Variants in GRID2 observed in about 807,000 individuals in gnomAD.
GRID2 encodes the protein glutamate ionotropic receptor delta type subunit 2, also known as glutamate receptor ionotropic, delta-2.
GRID2 carries 33 observed loss-of-function variants against 114.8 expected under a neutral mutation model. The observed-to-expected ratio is 0.29, with a 90% CI of 0.22 to 0.38. The LOEUF is 0.38. Among genes scored for constraint, GRID2 ranks in the 10% least tolerant of loss-of-function variants. GRID2 has a pLI of 1.00. For missense variants in GRID2, 1,184 were observed against 1,257.7 expected, an observed-to-expected ratio of 0.94 and a Z score of 0.89; for synonymous variants, 505 against 449.9, an observed-to-expected ratio of 1.12 and a Z score of -1.55.
intron 1 of GRID2, among the ~76,000 whole-genome samples, chr4:92,425,066 A>G (rs1418049676): frequency 6.6e-6 from 1 of 152,004 alleles, no homozygotes; most frequent in Non-Finnish European, 1.5e-5. Context: ...TTAGGTTATT[A>G]TAATAATTAT....
intron 14 of GRID2, among the ~76,000 whole-genome samples, chr4:93,747,252 A>G (rs953681074): frequency 7.2e-5 from 11 of 152,246 alleles, no homozygotes; most frequent in Admixed American, 3.9e-4. Flanking sequence ...CTGTGAAGGC[A>G]ATTAATTTTT....
At chr4:92,984,932 G>A (rs1332145255) in intron 2 of GRID2, among the ~76,000 whole-genome samples, 1 of 151,868 alleles carries the variant, frequency 6.6e-6, no homozygotes, top group Non-Finnish European at 1.5e-5. Context: ...CTTCTTGGTA[G>A]GACTACATAA....
chr4:93,806,021 C>T (rs190374479), intron 1 of GRID2, among the ~76,000 whole-genome samples: 1 of 152,008 alleles, frequency 6.6e-6, no homozygotes, highest in African/African-American at 2.4e-5. Context: ...TGCTTGAATC[C>T]CAGAGGTGGA....
chr4:92,424,042 T>C (rs1264274221), intron 1 of GRID2, among the ~76,000 whole-genome samples: 1 of 152,106 alleles, frequency 6.6e-6, no homozygotes, highest in Non-Finnish European at 1.5e-5. Flanking sequence ...TGATATTACA[T>C]AGTATGGCAA....
chr4:92,331,433 T>G (rs1411075434), intron 1 of GRID2, among the ~76,000 whole-genome samples: 3 of 152,154 alleles, frequency 2.0e-5, no homozygotes, highest in African/African-American at 4.8e-5. Context: ...GAAAAGAATT[T>G]GCCTTACATA....
rs562003721 is a variant in GRID2, at chr4:92,472,935, T to C, written c.89-117196T>C. Reference sequence around the variant, plus strand: ...TTTTGATGAAGTCCATTTCATTTTTTATGGGCTTTTATTTTAGCGTTGTGT... The same window carrying C: ...TTTTGATGAAGTCCATTTCATTTTTCATGGGCTTTTATTTTAGCGTTGTGT... On this transcript the variant is annotated intron_variant, in intron 1 of 15. Coordinates refer to ENST00000282020, the MANE Select transcript of GRID2 (RefSeq NM_001510.4). 2.6e-5 allele frequency among the ~76,000 whole-genome samples: 4 copies of C among 152,220 alleles called. No homozygotes were observed. The South Asian group carries it at 8.3e-4, about 32-fold the overall frequency.
intron 1 of GRID2, among the ~76,000 whole-genome samples, chr4:92,410,759 A>T (rs1731257885): frequency 6.6e-6 from 1 of 152,196 alleles, no homozygotes; most frequent in South Asian, 2.1e-4. Context: ...AGAATTCAGA[A>T]AAAATTGTAT....
chr4:93,253,002 C>A (rs1426466718), intron 8 of GRID2, among the ~76,000 whole-genome samples: 1 of 151,744 alleles, frequency 6.6e-6, no homozygotes, highest in East Asian at 1.9e-4. Flanking sequence ...GTAATCCCAG[C>A]ACTTTGGGAG....
intron 2 of GRID2, among the ~76,000 whole-genome samples, chr4:92,850,130 C>G (rs1743661378): frequency 6.6e-6 from 1 of 151,084 alleles, no homozygotes. Flanking sequence ...AAAAGATCTA[C>G]AAAGTTTATC....
chr4:92,447,646 A>G (rs946275903), intron 1 of GRID2, among the ~76,000 whole-genome samples: 1 of 152,238 alleles, frequency 6.6e-6, no homozygotes, highest in Non-Finnish European at 1.5e-5. Context: ...TATTTTTCAC[A>G]GTTTTGGATG....
intron 1 of GRID2, among the ~76,000 whole-genome samples, chr4:92,583,475 T>C (rs1235241113): frequency 6.6e-6 from 1 of 151,918 alleles, no homozygotes; most frequent in Non-Finnish European, 1.5e-5. Context: ...CTGAGAAAAA[T>C]ATACCTCATG....
intron 4 of GRID2, among the ~76,000 whole-genome samples, chr4:93,117,980 C>A (rs1403490416): frequency 1.3e-5 from 2 of 152,152 alleles, no homozygotes; most frequent in African/African-American, 4.8e-5. Context: ...TATAGAACCT[C>A]GCTACTGTGA....
At chr4:93,169,452 A>T (rs778928855) in intron 4 of GRID2, among the ~76,000 whole-genome samples, 3 of 152,170 alleles carry the variant, frequency 2.0e-5, no homozygotes, top group Non-Finnish European at 4.4e-5. Context: ...TGTTGTTTAT[A>T]TAACAAATTA....
chr4:92,309,174 A>C lies in GRID2; in HGVS notation c.88+4430A>C, dbSNP rs115764172. On this transcript the variant is annotated intron_variant, in intron 1 of 15. Transcript: ENST00000282020. ...TTGATTTATTAAAAAATAAAAGCCA[A>C]TTGAAATTGTTAGGAGTGATGGAAG... Among the ~76,000 whole-genome samples, 515 of 152,156 alleles carry C rather than the reference A, an allele frequency of 3.4e-3. 4 individuals are homozygous for C. The highest frequency in any genetic ancestry group is 0.011 in the African/African-American group (474 of 41,582).
chr4:92,889,327 GTC>G (rs1448345709), intron 2 of GRID2, among the ~76,000 whole-genome samples: 1 of 152,096 alleles, frequency 6.6e-6, no homozygotes, highest in East Asian at 1.9e-4. Flanking sequence ...AAGTCAAATT[GTC>G]TCTGTTTGCA....
chr4:93,111,073 T>C (rs1732720512), intron 4 of GRID2, 120 bp downstream of exon 4: 1 of 666,086 alleles, frequency 1.5e-6, no homozygotes, highest in Admixed American at 2.5e-5. Flanking sequence ...CAATTCTTGT[T>C]AACACTAATG....
chr4:92,665,721 T>G (rs1248744206), intron 2 of GRID2, among the ~76,000 whole-genome samples: 2 of 151,214 alleles, frequency 1.3e-5, no homozygotes, highest in Non-Finnish European at 3.0e-5. Context: ...TGTTTTTTTT[T>G]TCTAGTAGTT....
chr4:93,233,226 T>A (rs990592967), intron 7 of GRID2, among the ~76,000 whole-genome samples: 1 of 152,018 alleles, frequency 6.6e-6, no homozygotes, highest in Admixed American at 6.6e-5. Flanking sequence ...GGCTTCTAAT[T>A]AGCTAAAAGG....
chr4:93,698,896 T>G (rs1189818099), intron 14 of GRID2, among the ~76,000 whole-genome samples: 3 of 152,092 alleles, frequency 2.0e-5, no homozygotes, highest in Non-Finnish European at 2.9e-5. Flanking sequence ...CACTTGTTAA[T>G]TAAGTGGCCT....
Sources: gnomAD v4.1 joint callset for allele counts (sites outside exome capture counted in the v4.1 genomes callset) on GRCh38, gnomAD v4.1.1 for gene constraint, MANE v1.5 for transcripts, NCBI Gene and HGNC (gene_info 2026-07-23, HGNC 2026-07-21) for gene names.